The following MCTP2 variants were observed in gnomAD, a reference collection of about 807,000 sequenced individuals.
The protein encoded by MCTP2 is multiple C2 and transmembrane domain-containing protein 2.
In MCTP2, 132 loss-of-function variants were observed where a neutral mutation model predicts 111.6. The ratio of observed to expected loss-of-function variants is 1.18; its 90% CI spans 1.03 to 1.37. The LOEUF (loss-of-function observed/expected upper bound fraction) is 1.37. Ranked by LOEUF, MCTP2 falls within the 40% of genes most tolerant of loss-of-function variation. MCTP2 has a pLI of 0.00. For synonymous variants in MCTP2, 395 were observed against 387.7 expected, an observed-to-expected ratio of 1.02 and a Z score of -0.22; for missense variants, 1,183 against 1,067.9, an observed-to-expected ratio of 1.11 and a Z score of -1.50.
At chr15:94,343,232 G>A (rs1024000635) in intron 7 of MCTP2, 1 of 152,012 alleles carries the variant, frequency 6.6e-6, no homozygotes, top group Admixed American at 6.6e-5. Flanking sequence ...GGGTAAAATA[G>A]ATTATCAGAA....
At chr15:94,442,868 A>AT (rs2083859554) in intron 18 of MCTP2, 51 bp from the exon 19 acceptor site, 2 of 1,502,828 alleles carry the variant, frequency 1.3e-6, no homozygotes, top group African/African-American at 2.8e-5. Context: ...TTTAATTTGC[A>AT]TTTGTTAATT....
intron 17 of MCTP2, among the ~76,000 whole-genome samples, chr15:94,417,272 T>A (rs1315183305): frequency 3.3e-5 from 5 of 152,176 alleles, no homozygotes; most frequent in African/African-American, 1.2e-4. Context: ...TAAGAAAGAC[T>A]TTATTTTCTA....
chr15:94,290,819 T>C (rs1332280607), intron 1 of MCTP2, among the ~76,000 whole-genome samples: 2 of 152,230 alleles, frequency 1.3e-5, no homozygotes, highest in Non-Finnish European at 2.9e-5. Context: ...AAGACAGACA[T>C]TACATATTGA....
chr15:94,255,349 G>T (rs371439426), intron 1 of MCTP2, among the ~76,000 whole-genome samples: 2 of 152,094 alleles, frequency 1.3e-5, no homozygotes, highest in Non-Finnish European at 2.9e-5. Flanking sequence ...TTTAGTTTTC[G>T]TAGTGTTTCT....
intron 19 of MCTP2, among the ~76,000 whole-genome samples, chr15:94,456,117 T>A (rs986617482): frequency 1.3e-5 from 2 of 152,242 alleles, no homozygotes. Context: ...ATTGTTTACT[T>A]CTACTCTTAA....
At chr15:94,240,568 A>T (rs1038142326) in intron 1 of MCTP2, among the ~76,000 whole-genome samples, 3 of 152,166 alleles carry the variant, frequency 2.0e-5, no homozygotes, top group Admixed American at 2.0e-4. Context: ...ATCCTTCATG[A>T]CAGGGGAGGC....
chr15:94,436,770 T>C (rs1356897587), intron 17 of MCTP2, among the ~76,000 whole-genome samples: 2 of 152,110 alleles, frequency 1.3e-5, no homozygotes, highest in Non-Finnish European at 2.9e-5. Context: ...TACTTGAAGT[T>C]ACATTTAGTA....
chr15:94,235,957 G>A, intron 1 of MCTP2, among the ~76,000 whole-genome samples: 1 of 152,210 alleles, frequency 6.6e-6, no homozygotes, highest in East Asian at 1.9e-4. Flanking sequence ...TTTCATTAGA[G>A]ACAAATTTCC....
intron 1 of MCTP2, among the ~76,000 whole-genome samples, chr15:94,292,368 A>G (rs959399731): frequency 1.3e-5 from 2 of 152,202 alleles, no homozygotes; most frequent in Admixed American, 6.5e-5. Flanking sequence ...ACCCAACGTG[A>G]TTTTCTATGA....
chr15:94,398,988 G>T lies in MCTP2; in HGVS notation c.1816G>T (p.Val606Leu). The T allele has an allele frequency of 6.4e-7, 1 of 1,560,696 alleles. No individual in the cohort carries two copies. The highest frequency in any genetic ancestry group is 8.8e-7 in the Non-Finnish European group (1 of 1,131,856). The change falls in exon 15 of 23, where the codon GTA becomes TTA. Residue 606 changes from valine to leucine, a missense_variant. Val to Leu is a conservative substitution (Grantham distance 32). Coordinates refer to ENST00000357742, the MANE Select transcript of MCTP2 (RefSeq NM_001385001.1). ...TAGAGATGGACAACCGAATTGTTATGTACTAAAGAATAAAGATTTAGAACA... is the reference window on the plus strand; with the variant it reads ...TAGAGATGGACAACCGAATTGTTATTTACTAAAGAATAAAGATTTAGAACA... ...SIRDGQPNCY[V>L]LKNKDLEQAF...
intron 1 of MCTP2, among the ~76,000 whole-genome samples, chr15:94,248,783 A>G (rs1054408672): frequency 3.3e-5 from 5 of 152,204 alleles, no homozygotes; most frequent in African/African-American, 1.2e-4. Context: ...CAAAGGTGCA[A>G]GTGTCTTAAT....
At chr15:94,249,403 C>G (rs1411348308) in intron 1 of MCTP2, among the ~76,000 whole-genome samples, 1 of 152,096 alleles carries the variant, frequency 6.6e-6, no homozygotes, top group East Asian at 1.9e-4. Flanking sequence ...ATGGTAATAC[C>G]AGCCTAGAGC....
chr15:94,309,269 T>G (rs1285259803), intron 2 of MCTP2, among the ~76,000 whole-genome samples: 1 of 151,630 alleles, frequency 6.6e-6, no homozygotes, highest in African/African-American at 2.4e-5. Context: ...CTCTATGTAT[T>G]TGTGTTTGTG....
intron 3 of MCTP2, chr15:94,314,586 T>C (rs911530919): frequency 7.2e-6 from 4 of 555,810 alleles, no homozygotes; most frequent in South Asian, 2.0e-5. Flanking sequence ...TTGAGTGAGA[T>C]AGTAAGGCAG....
intron 2 of MCTP2, among the ~76,000 whole-genome samples, chr15:94,306,821 A>G (rs1029900477): frequency 6.6e-6 from 1 of 152,188 alleles, no homozygotes; most frequent in Non-Finnish European, 1.5e-5. Context: ...CCCCATTGAG[A>G]TATTTCCAGA....
intron 22 of MCTP2, among the ~76,000 whole-genome samples, chr15:94,477,131 G>C (rs1203871625): frequency 6.6e-6 from 1 of 152,136 alleles, no homozygotes; most frequent in Non-Finnish European, 1.5e-5. Context: ...CCAAACCCAG[G>C]GAGTGTTGCT....
At chr15:94,466,092 ATTCTAC>A (rs2152535354) in intron 20 of MCTP2, among the ~76,000 whole-genome samples, 1 of 152,246 alleles carries the variant, frequency 6.6e-6, no homozygotes, top group East Asian at 1.9e-4. Context: ...ATTTTTCAAA[ATTCTAC>A]TTCATCAATT....
chr15:94,341,020 T>C (rs1409901523), intron 7 of MCTP2, 96 bp downstream of exon 7: 1 of 773,226 alleles, frequency 1.3e-6, no homozygotes, highest in Non-Finnish European at 2.3e-6. Flanking sequence ...ATGACTGATG[T>C]TTTTGCAATT....
At chr15:94,413,569 AGTGT>A (rs34860214) in intron 17 of MCTP2, among the ~76,000 whole-genome samples, 8 of 149,238 alleles carry the variant, frequency 5.4e-5, no homozygotes, top group South Asian at 2.1e-4. Context: ...CATGACGCTG[AGTGT>A]GTGTGTGTGT....
Sources: gnomAD v4.1 joint callset for allele counts (sites outside exome capture counted in the v4.1 genomes callset) on GRCh38, gnomAD v4.1.1 for gene constraint, MANE v1.5 for transcripts, NCBI Gene and HGNC (gene_info 2026-07-23, HGNC 2026-07-21) for gene names.